TLN2: variants seen among roughly 807,000 people sequenced by gnomAD.
TLN2 encodes the protein talin-2.
In TLN2, 118 loss-of-function variants were observed where a neutral mutation model predicts 294.7. The observed-to-expected ratio is 0.40, with a 90% CI of 0.34 to 0.47. TLN2 has a LOEUF of 0.47. Ranked by LOEUF, TLN2 falls within the 20% of genes least tolerant of loss-of-function variation. The pLI is 0.84. For missense variants in TLN2, 3,083 were observed against 3,282.2 expected, an observed-to-expected ratio of 0.94 and a Z score of 1.48; for synonymous variants, 1,431 against 1,304.5, an observed-to-expected ratio of 1.10 and a Z score of -2.09.
At chr15:62,732,538 A>C (rs1033725108) in intron 28 of TLN2, among the ~76,000 whole-genome samples, 6 of 152,242 alleles carry the variant, frequency 3.9e-5, no homozygotes, top group African/African-American at 1.4e-4. Context: ...TTATACTTTA[A>C]TTGAAGAATA....
chr15:62,465,549 C>A lies in TLN2; in HGVS notation c.-238+74864C>A, dbSNP rs550686262. On this transcript the variant is annotated intron_variant, in intron 1 of 58. Transcript: ENST00000636159. ...TCGGGTTATGTGTGGAGGGGTTTAG[C>A]CTCTCAGCTAAGTTGTTGTCTTCCA... Among the ~76,000 whole-genome samples, 33 of 152,300 alleles carry A rather than the reference C, an allele frequency of 2.2e-4. No individual in the cohort carries two copies. The South Asian group carries it at 2.3e-3, about 11-fold the overall frequency.
At chr15:62,405,992 G>A (rs2033374664) in intron 1 of TLN2, among the ~76,000 whole-genome samples, 1 of 152,136 alleles carries the variant, frequency 6.6e-6, no homozygotes, top group Admixed American at 6.5e-5. Flanking sequence ...TTATGAATGT[G>A]CCTGGTGAAG....
At chr15:62,721,559 T>C (rs1470945481) in intron 25 of TLN2, among the ~76,000 whole-genome samples, 1 of 152,108 alleles carries the variant, frequency 6.6e-6, no homozygotes, top group Non-Finnish European at 1.5e-5. Context: ...ATTTATGATC[T>C]GGCACTTGTT....
At chr15:62,750,774 C>A (rs2061893082) in intron 34 of TLN2, among the ~76,000 whole-genome samples, 1 of 152,170 alleles carries the variant, frequency 6.6e-6, no homozygotes, top group South Asian at 2.1e-4. Flanking sequence ...TCTCCCAGGT[C>A]CTGCCCCTGT....
At chr15:62,763,983 G>T (rs754839724) in intron 40 of TLN2, among the ~76,000 whole-genome samples, 1 of 152,196 alleles carries the variant, frequency 6.6e-6, no homozygotes, top group Middle Eastern at 3.2e-3. Flanking sequence ...TAATTTAGGG[G>T]TACGGTGGGT....
At chr15:62,482,201 CAT>C (rs973496972) in intron 1 of TLN2, among the ~76,000 whole-genome samples, 1 of 152,148 alleles carries the variant, frequency 6.6e-6, no homozygotes, top group Non-Finnish European at 1.5e-5. Context: ...TATATAAAAA[CAT>C]ATTGCATTGC....
intron 1 of TLN2, among the ~76,000 whole-genome samples, chr15:62,588,632 TA>T (rs921551054): frequency 2.2e-4 from 27 of 125,448 alleles, no homozygotes; most frequent in African/African-American, 3.8e-4. Context: ...GACTCCATCT[TA>T]AAAAAAAATA....
At chr15:62,431,320 T>G (rs1433614791) in intron 1 of TLN2, among the ~76,000 whole-genome samples, 1 of 152,150 alleles carries the variant, frequency 6.6e-6, no homozygotes, top group Non-Finnish European at 1.5e-5. Flanking sequence ...TCAATAACAT[T>G]TTTGAATCTG....
At chr15:62,439,906 G>A (rs180695672) in intron 1 of TLN2, among the ~76,000 whole-genome samples, 61 of 152,260 alleles carry the variant, frequency 4.0e-4, no homozygotes, top group Admixed American at 3.5e-3. Context: ...CTGTCTCTGG[G>A]TTAACCAGGG....
At chr15:62,596,389 TA>T (rs2046520217) in intron 2 of TLN2, among the ~76,000 whole-genome samples, 1 of 152,290 alleles carries the variant, frequency 6.6e-6, no homozygotes, top group Admixed American at 6.5e-5. Flanking sequence ...TATACATATT[TA>T]AAAATGACAC....
chr15:62,758,378 C>G (rs556307444), intron 37 of TLN2, among the ~76,000 whole-genome samples: 1 of 152,220 alleles, frequency 6.6e-6, no homozygotes, highest in African/African-American at 2.4e-5. Flanking sequence ...GCTGTCTCTC[C>G]GAGTCACCAC....
intron 57 of TLN2, among the ~76,000 whole-genome samples, chr15:62,837,309 C>T (rs1232798421): frequency 6.6e-6 from 1 of 152,144 alleles, no homozygotes; most frequent in African/African-American, 2.4e-5. Context: ...ATTTCTGGGT[C>T]TGGGGGACAC....
rs529597309 is a variant in TLN2, at chr15:62,423,256, G to A, written c.-238+32571G>A. 3.2e-3 allele frequency among the ~76,000 whole-genome samples: 493 copies of A among 152,262 alleles called. 2 individuals carry two copies. Among genetic ancestry groups the A allele is most frequent in the Non-Finnish European group, 4.1e-3 (278 of 68,030 alleles). ...AAAAAAATTATCTGGGCATGGTGGC[G>A]TGAGCTTGTAGTCCCAGCTACTTGG... On this transcript the variant is annotated intron_variant, in intron 1 of 58. Transcript: ENST00000636159.
intron 5 of TLN2, among the ~76,000 whole-genome samples, chr15:62,651,659 A>C (rs2052598080): frequency 6.6e-6 from 1 of 152,196 alleles, no homozygotes; most frequent in African/African-American, 2.4e-5. Context: ...GGAGAAGTGC[A>C]GGGCGGCTTA....
intron 43 of TLN2, among the ~76,000 whole-genome samples, chr15:62,777,578 A>G (rs1595958588): frequency 1.3e-5 from 2 of 151,124 alleles, no homozygotes; most frequent in East Asian, 1.9e-4. Context: ...TGGAATGGCT[A>G]TTTTGGAATC....
chr15:62,782,562 C>A (rs6494358), intron 44 of TLN2, among the ~76,000 whole-genome samples: 1 of 152,238 alleles, frequency 6.6e-6, no homozygotes. Flanking sequence ...ATGGCCACTC[C>A]TGAGATAACT....
intron 1 of TLN2, among the ~76,000 whole-genome samples, chr15:62,463,230 A>G (rs1218749312): frequency 6.6e-6 from 1 of 152,164 alleles, no homozygotes; most frequent in East Asian, 1.9e-4. Context: ...ACAGCCACCC[A>G]CTGACTTCCC....
At chr15:62,677,600 T>C (rs1034052607) in intron 11 of TLN2, among the ~76,000 whole-genome samples, 1 of 152,180 alleles carries the variant, frequency 6.6e-6, no homozygotes, top group African/African-American at 2.4e-5. Context: ...TAGCAGGGTC[T>C]TGCAGGTTTG....
chr15:62,810,081 C>G (rs1457796431), intron 52 of TLN2, 49 bp downstream of exon 52: 2 of 1,456,168 alleles, frequency 1.4e-6, no homozygotes, highest in Non-Finnish European at 1.9e-6. Context: ...GTCCCTCTAG[C>G]TGTCCTGGCT....
Sources: allele counts gnomAD v4.1 joint callset (sites outside exome capture counted in the v4.1 genomes callset), GRCh38; gene constraint gnomAD v4.1.1; transcripts MANE v1.5; gene names NCBI Gene and HGNC (gene_info 2026-07-23, HGNC 2026-07-21).